NCLN: variants seen among roughly 807,000 people sequenced by gnomAD.
NCLN encodes the protein BOS complex subunit NCLN.
NCLN carries 34 observed loss-of-function variants against 69.5 expected under a neutral mutation model. The observed-to-expected ratio is 0.49, with a 90% confidence interval of 0.37 to 0.65. The LOEUF is 0.65. NCLN is among the 30% of genes least tolerant of loss of function. NCLN has a pLI of 0.00. For synonymous variants in NCLN, 393 were observed against 358.3 expected (o/e 1.10, Z -1.09); for missense variants, 710 against 804.8 (o/e 0.88, Z 1.42).
At chr19:3,196,314 C>T in intron 4 of NCLN, 37 bp downstream of exon 4, 1 of 1,449,166 alleles carries the variant, frequency 6.9e-7, no homozygotes, top group Non-Finnish European at 9.4e-7. Flanking sequence ...CCCCACGTCC[C>T]CAGGGGTTCC....
chr19:3,186,287 G>A (rs1042167320), intron 1 of NCLN, 73 bp downstream of exon 1: 3 of 1,373,822 alleles, frequency 2.2e-6, no homozygotes, highest in African/African-American at 3.0e-5. Context: ...GCGATCCCCA[G>A]GCCGATCCCT....
intron 6 of NCLN, among the ~76,000 whole-genome samples, chr19:3,202,788 G>A (rs755027851): frequency 3.3e-5 from 5 of 151,714 alleles, no homozygotes; most frequent in Non-Finnish European, 7.4e-5. Flanking sequence ...TCTTCCCCCA[G>A]CCCCCCACTG....
rs1335372854 is a variant in NCLN, at chr19:3,205,226, C to A, written c.1208+475C>A. 6.6e-6 allele frequency among the ~76,000 whole-genome samples: 1 copy of A among 152,222 alleles called. No homozygotes were observed. Among genetic ancestry groups the A allele is most frequent in the Admixed American group, 6.5e-5 (1 of 15,288 alleles). The stretch of plus-strand genomic sequence containing the variant: ...CTCTGCCATCATGTGAGCCCCTGGG[C>A]AGGCTTTTGTGGAGCCTGGAACTGT... On this transcript the variant is annotated intron_variant, in intron 9 of 14. Coordinates refer to ENST00000246117, the MANE Select transcript of NCLN (RefSeq NM_020170.4). The surrounding 1 kb of genome is among the most constrained non-coding windows in gnomAD (Gnocchi z 4.6).
rs1427827189 is a variant in NCLN, at chr19:3,186,822, C to T, written c.184+608C>T. ...CAGCATTCCCCACCCCCTCCCACGG[C>T]CCTGGGTGCCAAGTGCATTTTGTCC... On this transcript the variant is annotated intron_variant, in intron 1 of 14. Transcript: ENST00000246117. Among the ~76,000 whole-genome samples the T allele has an allele frequency of 2.0e-5, 3 of 151,982 alleles. No homozygotes were observed. In the East Asian group the frequency reaches 5.8e-4, roughly 29 times the overall value.
chr19:3,194,242 G>C (rs527451), intron 3 of NCLN, among the ~76,000 whole-genome samples: 42,957 of 152,112 alleles, frequency 0.28, 6,215 homozygotes, highest in East Asian at 0.48. Context: ...AGTTAGCCGG[G>C]CGCGGTGGCA....
intron 8 of NCLN, 92 bp downstream of exon 8, chr19:3,204,236 G>C (rs1001567985): frequency 3.4e-5 from 47 of 1,395,960 alleles, no homozygotes; most frequent in Non-Finnish European, 4.2e-5. Context: ...TGTCCTTGCT[G>C]TCCGCCCCTC....
At position 3,209,433 on chromosome 19, in the gene NCLN, G is replaced by C. The variant is rs1916372628; in HGVS notation, c.*1745G>C. ...AGCAGGCTCCTGTCTGGGTGCCACG[G>C]GGCCAGCATTTTGGAGGGAGCTTCC... is the stretch of plus-strand genomic sequence containing the variant. On this transcript the variant is annotated 3_prime_UTR_variant, in exon 15 of 15. Coordinates refer to ENST00000246117, the MANE Select transcript of NCLN (RefSeq NM_020170.4). The C allele has an allele frequency of 1.3e-5, 2 of 152,294 alleles. No homozygotes were observed. The highest frequency in any genetic ancestry group is 2.4e-5 in the African/African-American group (1 of 41,460). 9.4% of individuals were successfully genotyped at this position (152,294 alleles called of 1,614,324 possible). A position where few individuals can be genotyped will look rare whatever the true frequency, so the allele number is the denominator to read the frequency against.
In NCLN at chr19:3,204,708, G is replaced by A. The variant is rs1390364667; in HGVS notation, c.1165G>A (p.Glu389Lys). The part of the protein sequence containing the change: ...RLPAFTLSHL[E>K]SHRDGQRSSI... ...GCCCGCCTTCACGCTGTCCCACCTG[G>A]AGAGCCACCGTGACGGCCAGCGCAG... The change falls in exon 9 of 15, where the codon GAG becomes AAG. Residue 389 changes from glutamate (E) to lysine (K), a missense_variant. Glu to Lys is a moderately conservative substitution (Grantham distance 56). Coordinates refer to ENST00000246117, the MANE Select transcript of NCLN (RefSeq NM_020170.4). The A allele has an allele frequency of 1.3e-6, 2 of 1,591,106 alleles. No individual in the cohort carries two copies. The highest frequency in any genetic ancestry group is 1.1e-5 in the South Asian group (1 of 88,690).
At position 3,189,403 on chromosome 19, in the gene NCLN, C is replaced by T. The variant is rs944890303; in HGVS notation, c.185-3067C>T. 5.9e-5 allele frequency among the ~76,000 whole-genome samples: 9 copies of T among 152,236 alleles called. No individual in the cohort carries two copies. In the South Asian group the frequency reaches 6.2e-4, roughly 11 times the overall value. ...CCTGTTGTTGTTAATAAAGTTTTATCGGCACGCGGTCATGCCCATCCATTG... is the reference window on the plus strand; with the variant it reads ...CCTGTTGTTGTTAATAAAGTTTTATTGGCACGCGGTCATGCCCATCCATTG... On this transcript the variant is annotated intron_variant, in intron 1 of 14. Transcript: ENST00000246117.
intron 4 of NCLN, among the ~76,000 whole-genome samples, chr19:3,196,734 C>T (rs1599353340): frequency 2.0e-5 from 3 of 152,292 alleles, no homozygotes; most frequent in Admixed American, 6.5e-5. Context: ...GGGGAGCTGC[C>T]GGTGCGGAAG....
chr19:3,189,098 G>A (rs370738621), intron 1 of NCLN, among the ~76,000 whole-genome samples: 56 of 152,314 alleles, frequency 3.7e-4, no homozygotes, highest in African/African-American at 1.3e-3. Flanking sequence ...AGGGCGGGGC[G>A]GTGCCCTTTG....
rs1413257405 is a variant in NCLN at position 3,193,181 on chromosome 19, ACT to A, written c.376-102_376-101del. 3.6e-4 allele frequency: 403 copies of A among 1,127,776 alleles called. 11 individuals are homozygous for A. In the South Asian group the frequency reaches 5.1e-3, roughly 14 times the overall value. 69.9% of individuals were successfully genotyped at this position (1,127,776 alleles called of 1,614,324 possible). On this transcript the variant is annotated intron_variant, in intron 2 of 14. Coordinates refer to ENST00000246117, the MANE Select transcript of NCLN (RefSeq NM_020170.4). ...CCTGCTACCCCCTCCAGGGACAGTCACTGGGCCCCCTGCTACCCCCACCAGGG... is the reference window on the plus strand; with the variant it reads ...CCTGCTACCCCCTCCAGGGACAGTCAGGGCCCCCTGCTACCCCCACCAGGG...
chr19:3,207,392 G>A lies in NCLN; in HGVS notation c.1555G>A (p.Val519Ile). 3 of 1,613,126 alleles carry A rather than the reference G, an allele frequency of 1.9e-6. No individual in the cohort carries two copies. Among genetic ancestry groups the A allele is most frequent in the Non-Finnish European group, 2.5e-6 (3 of 1,180,010 alleles). ...QLKQVMNAYR[V>I]KPAVFDLLLA... ...TCAGGGACCCTGCTTTCTCCACAGA[G>A]TCAAGCCGGCCGTCTTTGACCTGCT... Residue 519 changes from valine (V) to isoleucine (I), a missense_variant and splice_region_variant, in exon 14 of 15, where the codon GTC becomes ATC. Coordinates refer to ENST00000246117, the MANE Select transcript of NCLN (RefSeq NM_020170.4).
intron 1 of NCLN, among the ~76,000 whole-genome samples, chr19:3,186,557 C>G (rs548569177): frequency 9.2e-5 from 14 of 152,302 alleles, no homozygotes; most frequent in African/African-American, 3.1e-4. Context: ...CCTGCCTTGC[C>G]GAGTTTCTCC....
intron 1 of NCLN, 149 bp from the exon 2 acceptor site, chr19:3,192,321 G>T (rs1915846689): frequency 1.5e-6 from 1 of 648,586 alleles, no homozygotes; most frequent in Non-Finnish European, 2.5e-6. Context: ...AGGCTGGGGG[G>T]ACCCTGGGAG....
intron 3 of NCLN, among the ~76,000 whole-genome samples, chr19:3,195,952 AG>A (rs1441820595): frequency 1.3e-5 from 2 of 152,214 alleles, no homozygotes; most frequent in African/African-American, 4.8e-5. Flanking sequence ...AATGGCATGG[AG>A]GAGAAATTCC....
intron 4 of NCLN, among the ~76,000 whole-genome samples, chr19:3,198,144 G>C (rs911086521): frequency 6.6e-6 from 1 of 152,186 alleles, no homozygotes; most frequent in African/African-American, 2.4e-5. Flanking sequence ...CGAATGCCTG[G>C]CTGAGGGGCT....
At position 3,207,408 on chromosome 19, in the gene NCLN, T is replaced by C. The variant is rs1229048983; in HGVS notation, c.1571T>C (p.Phe524Ser). 1.2e-6 allele frequency: 2 copies of C among 1,613,128 alleles called. No individual in the cohort carries two copies. ...CTCCACAGAGTCAAGCCGGCCGTCT[T>C]TGACCTGCTCCTGGCTGTTGGCATT... Reference protein sequence around the residue: ...MNAYRVKPAVFDLLLAVGIAA... With the variant: ...MNAYRVKPAVSDLLLAVGIAA... The change falls in exon 14 of 15, where the codon TTT becomes TCT. Residue 524 changes from phenylalanine (F) to serine (S), a missense_variant. Coordinates refer to ENST00000246117, the MANE Select transcript of NCLN (RefSeq NM_020170.4).
At chr19:3,206,071 GC>G in intron 10 of NCLN, 45 bp downstream of exon 10, 2 of 1,605,626 alleles carry the variant, frequency 1.2e-6, no homozygotes, top group Non-Finnish European at 1.7e-6. Context: ...CCCCAGCCCT[GC>G]CCCCGGCCCC....
Sources: allele counts gnomAD v4.1 joint callset (sites outside exome capture counted in the v4.1 genomes callset), GRCh38; gene constraint gnomAD v4.1.1; non-coding constraint Gnocchi (gnomAD v3.1); transcripts MANE v1.5; gene names NCBI Gene and HGNC (gene_info 2026-07-23, HGNC 2026-07-21).